Variants in COL11A2 observed in about 807,000 individuals in gnomAD.
The protein encoded by COL11A2 is collagen type XI alpha 2 chain.
COL11A2 carries 116 observed loss-of-function variants against 273.4 expected under a neutral mutation model. The ratio of observed to expected loss-of-function variants is 0.42; its 90% confidence interval spans 0.36 to 0.49. The LOEUF is 0.49. Among genes scored for constraint, COL11A2 ranks in the 20% least tolerant of loss-of-function variants. The pLI, the probability that COL11A2 is intolerant of heterozygous loss-of-function variation, is 0.00. For missense variants in COL11A2, 1,866 were observed against 2,309.0 expected (o/e 0.81, Z 3.93); for synonymous variants, 782 against 864.2 (o/e 0.90, Z 1.67).
In COL11A2 at chr6:33,189,277, C is replaced by T; in HGVS notation, c.232+43G>A. ...CCTGGTGTCTGATCCTAGGCCCCAT[C>T]CCATTACCTCCCCCCAGGCCTACCC... On this transcript the variant is annotated intron_variant, in intron 2 of 65. Coordinates refer to ENST00000341947, the MANE Select transcript of COL11A2 (RefSeq NM_080680.3). The surrounding 1 kb of genome is among the most constrained non-coding windows in gnomAD (Gnocchi z 5.6). The T allele has an allele frequency of 6.2e-7, 1 of 1,614,004 alleles. No individual in the cohort carries two copies. The highest frequency in any genetic ancestry group is 8.5e-7 in the Non-Finnish European group (1 of 1,179,956).
chr6:33,180,162 T>A (rs1771530924), intron 12 of COL11A2, 96 bp downstream of exon 12: 4 of 1,236,684 alleles, frequency 3.2e-6, no homozygotes, highest in Non-Finnish European at 4.8e-6. Flanking sequence ...CTTTAGAGAC[T>A]CCTCCATATC....
In COL11A2 at chr6:33,165,725, T is replaced by A. The variant is rs1769029501; in HGVS notation, c.4574A>T (p.Asp1525Val). 1 of 1,611,352 alleles carries A rather than the reference T, an allele frequency of 6.2e-7. No homozygotes were observed. The highest frequency in any genetic ancestry group is 1.3e-5 in the African/African-American group (1 of 74,912). Reference protein sequence around the residue: ...SVDGSRLMQEDEAIPTGGAPG... With the variant: ...SVDGSRLMQEVEAIPTGGAPG... ...GGCTCCCCCGGTCGGTATGGCCTCA[T>A]CTTCCTGCATCAGACGGCTTCCATC... The change falls in exon 63 of 66, where the codon GAT becomes GTT. Residue 1525 changes from aspartate (D) to valine (V), a missense_variant. Transcript: ENST00000341947. This position sits in a 1 kb window ranked among gnomAD's most constrained non-coding sequence, Gnocchi z 7.7.
Position 33,179,303 on chromosome 6 carries a change from G to A in COL11A2, c.1504-19C>T, listed in dbSNP as rs763753000. On this transcript the variant is annotated intron_variant, in intron 14 of 65. Transcript: ENST00000341947. The surrounding 1 kb of genome is among the most constrained non-coding windows in gnomAD (Gnocchi z 6.4). ...GTTGGCCCTGGGAGAGAGAAGAGAG[G>A]ATGGCCGTAAGGAAGGACACAGCCA... is the stretch of plus-strand genomic sequence containing the variant. The A allele has an allele frequency of 1.2e-6, 2 of 1,606,842 alleles. No homozygotes were observed. Among genetic ancestry groups the A allele is most frequent in the South Asian group, 2.2e-5 (2 of 89,454 alleles).
At chr6:33,188,238 G>A in intron 4 of COL11A2, 124 bp downstream of exon 4, 1 of 1,202,160 alleles carries the variant, frequency 8.3e-7, no homozygotes, top group South Asian at 1.2e-5. Context: ...AAATAGAAAT[G>A]AAAATTCATA....
chr6:33,179,811 G>T lies in COL11A2; in HGVS notation c.1360-6C>A. 6.2e-7 allele frequency: 1 copy of T among 1,610,184 alleles called. No individual in the cohort carries two copies. The highest frequency in any genetic ancestry group is 8.5e-7 in the Non-Finnish European group (1 of 1,179,690). ...CCACCACTGCCAAACCGGAACTGAG[G>T]TCAAGGAGAGAAGGTCCAGGTTCTC... is the stretch of plus-strand genomic sequence containing the variant. On this transcript the variant is annotated splice_region_variant and splice_polypyrimidine_tract_variant and intron_variant, in intron 12 of 65. Coordinates refer to ENST00000341947, the MANE Select transcript of COL11A2 (RefSeq NM_080680.3). The surrounding 1 kb of genome is among the most constrained non-coding windows in gnomAD (Gnocchi z 6.4).
Position 33,170,151 on chromosome 6 carries a change from T to G in COL11A2, c.3583-51A>C. The G allele has an allele frequency of 6.2e-7, 1 of 1,611,662 alleles. No individual in the cohort carries two copies. The highest frequency in any genetic ancestry group is 2.2e-5 in the East Asian group (1 of 44,852). On this transcript the variant is annotated intron_variant, in intron 48 of 65. Transcript: ENST00000341947. The surrounding 1 kb of genome is among the most constrained non-coding windows in gnomAD (Gnocchi z 4.3). ...CATTGCTTAGGATGGAGGTGCCATTTCAGGGGCAAAGTCCCAGATGAGCAG... is the reference window on the plus strand; with the variant it reads ...CATTGCTTAGGATGGAGGTGCCATTGCAGGGGCAAAGTCCCAGATGAGCAG...
chr6:33,183,498 G>A lies in COL11A2; in HGVS notation c.1119+647C>T, dbSNP rs114570712. ...ACAGGAAGTAGCCATGAGAAATATC[G>A]AGGCCCACAATGGAAACTTTATGAT... On this transcript the variant is annotated intron_variant, in intron 8 of 65. Transcript: ENST00000341947. 4.3e-3 allele frequency among the ~76,000 whole-genome samples: 660 copies of A among 152,292 alleles called. 7 individuals carry two copies. Among genetic ancestry groups the A allele is most frequent in the African/African-American group, 0.014 (595 of 41,548 alleles).
In COL11A2 at chr6:33,179,880, A is replaced by T; in HGVS notation, c.1360-75T>A. On this transcript the variant is annotated intron_variant, in intron 12 of 65. Transcript: ENST00000341947. This position sits in a 1 kb window ranked among gnomAD's most constrained non-coding sequence, Gnocchi z 6.4. ...ACCCTCCCAGCCAGAGGCTTTCTCC[A>T]GCGTTTCTGCCCCTTGCCCCAGGTT... 7.2e-7 allele frequency: 1 copy of T among 1,390,586 alleles called. No individual in the cohort carries two copies. The highest frequency in any genetic ancestry group is 1.0e-6 in the Non-Finnish European group (1 of 988,962). The allele number at this position is 1,390,586 out of a possible 1,614,324, so 86.1% of individuals were successfully genotyped here.
chr6:33,185,632 G>A (rs1454125718), intron 6 of COL11A2, 69 bp downstream of exon 6: 2 of 636,760 alleles, frequency 3.1e-6, no homozygotes, highest in East Asian at 5.3e-5. Flanking sequence ...GGGGAGGAAG[G>A]TGTCCTAGGA....
Position 33,173,889 on chromosome 6 carries a change from C to A in COL11A2, c.2567G>T (p.Gly856Val). 1 of 1,614,040 alleles carries A rather than the reference C, an allele frequency of 6.2e-7. No individual in the cohort carries two copies. Among genetic ancestry groups the A allele is most frequent in the Non-Finnish European group, 8.5e-7 (1 of 1,179,964 alleles). The stretch of plus-strand genomic sequence containing the variant: ...ACCATTCACCTTAGCTCCAGACTTC[C>A]CAGTGGCACCTCGGGGTCCCCGCTG... ...RGQRGPRGATGKSGAKGTSGG... is the reference protein window; with the variant it reads ...RGQRGPRGATVKSGAKGTSGG... Residue 856 changes from glycine to valine, a missense_variant, in exon 34 of 66, where the codon GGG becomes GTG. Transcript: ENST00000341947. This position sits in a 1 kb window ranked among gnomAD's most constrained non-coding sequence, Gnocchi z 6.3.
At position 33,179,853 on chromosome 6, in the gene COL11A2, G is replaced by C; in HGVS notation, c.1360-48C>G. 1.3e-6 allele frequency: 2 copies of C among 1,562,266 alleles called. No homozygotes were observed. The highest frequency in any genetic ancestry group is 1.8e-6 in the Non-Finnish European group (2 of 1,142,386). On this transcript the variant is annotated intron_variant, in intron 12 of 65. Transcript: ENST00000341947. The surrounding 1 kb of genome is among the most constrained non-coding windows in gnomAD (Gnocchi z 6.4). ...CAGGTTCTCTTCCAAGAAAGCCATGGGACCCTCCCAGCCAGAGGCTTTCTC... is the reference window on the plus strand; with the variant it reads ...CAGGTTCTCTTCCAAGAAAGCCATGCGACCCTCCCAGCCAGAGGCTTTCTC...
At position 33,186,695 on chromosome 6, in the gene COL11A2, C is replaced by A. The variant is rs777274720; in HGVS notation, c.730G>T (p.Ala244Ser). 4 of 1,609,418 alleles carry A rather than the reference C, an allele frequency of 2.5e-6. No individual in the cohort carries two copies. In the Admixed American group the frequency reaches 5.0e-5, roughly 20 times the overall value. Reference protein sequence around the residue: ...ERPQNQQPHRAQRSPQQQPSR... With the variant: ...ERPQNQQPHRSQRSPQQQPSR... The stretch of plus-strand genomic sequence containing the variant: ...GGTTGCTGCTGTGGAGATCTCTGGG[C>A]TCTGTGAGGCTGTTGGTTTTGGGGT... Residue 244 changes from alanine to serine, a missense_variant, in exon 5 of 66, where the codon GCC becomes TCC. By Grantham distance (99) the Ala-to-Ser change is moderately conservative (BLOSUM62 1). Coordinates refer to ENST00000341947, the MANE Select transcript of COL11A2 (RefSeq NM_080680.3).
chr6:33,174,517 A>G lies in COL11A2; in HGVS notation c.2430+10T>C. 1.9e-6 allele frequency: 3 copies of G among 1,612,452 alleles called. No homozygotes were observed. Among genetic ancestry groups the G allele is most frequent in the Non-Finnish European group, 1.7e-6 (2 of 1,179,866 alleles). ...AGAGGAGGAGGGGCACGTATGGGGC[A>G]TGGCATCACCTTGGGTCCCTGACGT... is the stretch of plus-strand genomic sequence containing the variant. On this transcript the variant is annotated intron_variant, in intron 31 of 65. Coordinates refer to ENST00000341947, the MANE Select transcript of COL11A2 (RefSeq NM_080680.3).
Position 33,164,543 on chromosome 6 carries a change from G to GCT in COL11A2, c.4864-71_4864-70insAG. On this transcript the variant is annotated intron_variant, in intron 64 of 65. Coordinates refer to ENST00000341947, the MANE Select transcript of COL11A2 (RefSeq NM_080680.3). This position sits in a 1 kb window ranked among gnomAD's most constrained non-coding sequence, Gnocchi z 4.7. ...CTGGCCTCAGAGGGAGACAGAGACG[G>GCT]GCCTCAGGAGCATCTACGGCACCAG... 2 of 1,293,642 alleles carry GCT rather than the reference G, an allele frequency of 1.5e-6. No homozygotes were observed. The highest frequency in any genetic ancestry group is 3.0e-5 in the South Asian group (2 of 67,246). The allele number at this position is 1,293,642 out of a possible 1,614,324, so 80.1% of individuals were successfully genotyped here. A position where few individuals can be genotyped will look rare whatever the true frequency, so the allele number is the denominator to read the frequency against.
At chr6:33,172,455 T>C in intron 39 of COL11A2, 75 bp downstream of exon 39, 1 of 1,564,810 alleles carries the variant, frequency 6.4e-7, no homozygotes, top group Non-Finnish European at 8.8e-7. Context: ...CCCCCTCAAA[T>C]CTCCAACTAC....
chr6:33,168,637 G>A, intron 53 of COL11A2, 65 bp from the exon 54 acceptor site: 1 of 1,601,360 alleles, frequency 6.2e-7, no homozygotes, highest in Non-Finnish European at 8.5e-7. Flanking sequence ...CTCAGGAGTG[G>A]GGCACAGAAG....
At position 33,189,445 on chromosome 6, in the gene COL11A2, C is replaced by T. The variant is rs757584689; in HGVS notation, c.107G>A (p.Arg36Gln). Reference protein sequence around the residue: ...WAGAPPVDVLRALRFPSLPDG... With the variant: ...WAGAPPVDVLQALRFPSLPDG... ...AGGGAGGGAGGGGAACCTCAGGGCCCGGAGCACATCCACAGGGGGTGCACC... is the reference window on the plus strand; with the variant it reads ...AGGGAGGGAGGGGAACCTCAGGGCCTGGAGCACATCCACAGGGGGTGCACC... The change falls in exon 2 of 66, where the codon CGG (arginine) becomes CAG (glutamine). Residue 36 changes from arginine (R) to glutamine (Q), a missense_variant. By Grantham distance (43) the Arg-to-Gln change is conservative. Coordinates refer to ENST00000341947, the MANE Select transcript of COL11A2 (RefSeq NM_080680.3). The surrounding 1 kb of genome is among the most constrained non-coding windows in gnomAD (Gnocchi z 5.6). The T allele has an allele frequency of 9.3e-6, 15 of 1,612,932 alleles. No individual in the cohort carries two copies. Among genetic ancestry groups the T allele is most frequent in the East Asian group, 2.2e-5 (1 of 44,894 alleles).
intron 3 of COL11A2, 50 bp from the exon 4 acceptor site, chr6:33,188,574 G>A: frequency 6.2e-6 from 10 of 1,609,370 alleles, no homozygotes; most frequent in Non-Finnish European, 7.6e-6. Flanking sequence ...ACTGAAGTAG[G>A]GGAGTCAACA....
At chr6:33,168,679 G>T in intron 53 of COL11A2, 27 bp downstream of exon 53, 1 of 1,589,490 alleles carries the variant, frequency 6.3e-7, no homozygotes, top group East Asian at 2.3e-5. Flanking sequence ...TGGGCTCAGG[G>T]GGGTGGTGGG....
Sources: allele counts gnomAD v4.1 joint callset (sites outside exome capture counted in the v4.1 genomes callset), GRCh38; gene constraint gnomAD v4.1.1; non-coding constraint Gnocchi (gnomAD v3.1); transcripts MANE v1.5; gene names NCBI Gene and HGNC (gene_info 2026-07-23, HGNC 2026-07-21).